The following ZSCAN31 variants were observed in gnomAD, a reference collection of about 807,000 sequenced individuals.
The protein encoded by ZSCAN31 is zinc finger and SCAN domain-containing protein 31.
ZSCAN31 carries 14 observed loss-of-function variants against 22.5 expected under a neutral mutation model. The ratio of observed to expected loss-of-function variants is 0.62; its 90% CI spans 0.41 to 0.97. The LOEUF (loss-of-function observed/expected upper bound fraction) is 0.97, where lower values mean the gene tolerates loss of function less well. ZSCAN31 is among the 50% of genes least tolerant of loss of function. The pLI, the probability that ZSCAN31 is intolerant of heterozygous loss-of-function variation, is 0.00. For synonymous variants in ZSCAN31, 168 were observed against 169.8 expected, an observed-to-expected ratio of 0.99 and a Z score of 0.08; for missense variants, 424 against 483.4, an observed-to-expected ratio of 0.88 and a Z score of 1.15.
At chr6:28,330,766 A>G in intron 1 of ZSCAN31, among the ~76,000 whole-genome samples, 1 of 152,232 alleles carries the variant, frequency 6.6e-6, no homozygotes, top group East Asian at 1.9e-4. Context: ...CAGATGATGA[A>G]TGCTATAATA....
chr6:28,335,575 T>C (rs1005282011), intron 1 of ZSCAN31: 5 of 152,150 alleles, frequency 3.3e-5, no homozygotes, highest in South Asian at 2.1e-4. Context: ...GGCCAAACTT[T>C]CACTTCGGCT....
upstream of ZSCAN31, chr6:28,356,062 C>T (rs955134325): frequency 1.3e-5 from 2 of 152,292 alleles, no homozygotes; most frequent in African/African-American, 4.8e-5. Context: ...TCATAACCGT[C>T]AATAAATGCA....
chr6:28,332,984 A>G (rs1395025920), intron 1 of ZSCAN31, among the ~76,000 whole-genome samples: 1 of 152,274 alleles, frequency 6.6e-6, no homozygotes, highest in Non-Finnish European at 1.5e-5. Context: ...ATGGCCAGCT[A>G]CAAATACAAG....
rs574914731 is a variant in ZSCAN31 at position 28,333,182 on chromosome 6, A to ACCTG, written c.-96+2899_-96+2900insCAGG. Among the ~76,000 whole-genome samples, 1,215 of 152,288 alleles carry ACCTG rather than the reference A, an allele frequency of 8.0e-3. 20 individuals carry two copies. The highest frequency in any genetic ancestry group is 0.026 in the African/African-American group (1,095 of 41,542). On this transcript the variant is annotated intron_variant, in intron 1 of 3. Transcript: ENST00000344279. This position sits in a 1 kb window ranked among gnomAD's most constrained non-coding sequence, Gnocchi z 4.1. ...CCTGCAGTGGACTTCCACACTCATG[A>ACCTG]AAGGGAGACAGAAAAATAAAAGGTA...
At chr6:28,342,781 A>G (rs553168801) in intron 2 of ZSCAN31, among the ~76,000 whole-genome samples, 2 of 152,330 alleles carry the variant, frequency 1.3e-5, no homozygotes, top group Non-Finnish European at 2.9e-5. Flanking sequence ...TCATAATAAA[A>G]CATCTCAAGT....
intron 2 of ZSCAN31, among the ~76,000 whole-genome samples, chr6:28,348,990 GT>G (rs1764775277): frequency 7.3e-6 from 1 of 136,594 alleles, no homozygotes; most frequent in African/African-American, 2.7e-5. Context: ...ATACATAGGT[GT>G]ATATACATGT....
intron 2 of ZSCAN31, chr6:28,341,933 G>A (rs1764431244): frequency 1.3e-5 from 2 of 152,134 alleles, no homozygotes; most frequent in Non-Finnish European, 1.5e-5. Context: ...GGCCCTAGAA[G>A]GAATGTTCTT....
chr6:28,351,460 A>G lies in ZSCAN31; in HGVS notation c.-371+2402T>C, dbSNP rs952543300. Among the ~76,000 whole-genome samples the G allele has an allele frequency of 1.3e-5, 2 of 152,172 alleles. No individual in the cohort carries two copies. Among genetic ancestry groups the G allele is most frequent in the African/African-American group, 4.8e-5 (2 of 41,434 alleles). On this transcript the variant is annotated intron_variant, in intron 2 of 7. Coordinates refer to the ZSCAN31 transcript ENST00000396838. This position sits in a 1 kb window ranked among gnomAD's most constrained non-coding sequence, Gnocchi z 4.6. ...TTATTCAGGAAGGAAAGAAGTTAGG[A>G]CATTGTTTAATTTTCTAAAATTTTG...
At chr6:28,346,714 A>T (rs564666713) in intron 2 of ZSCAN31, among the ~76,000 whole-genome samples, 2 of 152,212 alleles carry the variant, frequency 1.3e-5, no homozygotes, top group South Asian at 4.2e-4. Context: ...ATTGAGAGGA[A>T]CATAGTTACC....
At chr6:28,346,487 A>T (rs1764648991) in intron 2 of ZSCAN31, among the ~76,000 whole-genome samples, 1 of 151,654 alleles carries the variant, frequency 6.6e-6, no homozygotes. Flanking sequence ...CCTCCTGAGT[A>T]GCTGGGATTA....
chr6:28,344,520 A>G (rs966437795), intron 2 of ZSCAN31, among the ~76,000 whole-genome samples: 1 of 152,196 alleles, frequency 6.6e-6, no homozygotes, highest in South Asian at 2.1e-4. Context: ...CCCTGTGACT[A>G]TCTGAGTGTG....
At chr6:28,330,147 C>T (rs1324116608) in intron 1 of ZSCAN31, among the ~76,000 whole-genome samples, 1 of 152,168 alleles carries the variant, frequency 6.6e-6, no homozygotes, top group Non-Finnish European at 1.5e-5. Flanking sequence ...AGAAGGATAT[C>T]TTTCAGATGA....
At position 28,329,587 on chromosome 6, in the gene ZSCAN31, A is replaced by C. The variant is rs1763586341; in HGVS notation, c.97T>G (p.Ser33Ala). The C allele has an allele frequency of 6.2e-7, 1 of 1,614,226 alleles. No individual in the cohort carries two copies. The highest frequency in any genetic ancestry group is 8.5e-7 in the Non-Finnish European group (1 of 1,180,032). Residue 33 changes from serine to alanine, a missense_variant, in exon 2 of 4, where the codon TCT becomes GCT. Physicochemically the swap from Ser to Ala is moderately conservative, Grantham distance 99. Transcript: ENST00000344279. ...QETHLRGNNF[S>A]GQEASRQLFR... is the part of the protein sequence containing the mutation. ...AGTTGTCGGGAGGCTTCTTGGCCAGAAAAGTTGTTCCCTCGAAGGTGGGTT... is the reference window on the plus strand; with the variant it reads ...AGTTGTCGGGAGGCTTCTTGGCCAGCAAAGTTGTTCCCTCGAAGGTGGGTT...
chr6:28,327,458 T>G lies in ZSCAN31; in HGVS notation c.457A>C (p.Thr153Pro). The G allele has an allele frequency of 6.2e-7, 1 of 1,613,984 alleles. No individual in the cohort carries two copies. Among genetic ancestry groups the G allele is most frequent in the Non-Finnish European group, 8.5e-7 (1 of 1,179,986 alleles). The change falls in exon 3 of 4, where the codon ACA becomes CCA. Residue 153 changes from threonine (T) to proline (P), a missense_variant. By Grantham distance (38) the Thr-to-Pro change is conservative. Transcript: ENST00000344279. Reference sequence around the variant, plus strand: ...ACCATAGGCTGAAGCTGTATGTCTGTTGGTTCCTGCTTGACCTTCAGATGT... The same window carrying G: ...ACCATAGGCTGAAGCTGTATGTCTGGTGGTTCCTGCTTGACCTTCAGATGT... ...VEHLKVKQEP[T>P]DIQLQPMVTQ...
At position 28,325,046 on chromosome 6, in the gene ZSCAN31, G is replaced by A. The variant is rs1270196313; in HGVS notation, c.*1120C>T. The A allele has an allele frequency of 6.6e-6, 1 of 152,138 alleles. No individual in the cohort carries two copies. The highest frequency in any genetic ancestry group is 2.4e-5 in the African/African-American group (1 of 41,418). The allele number at this position is 152,138 out of a possible 1,614,324, so 9.4% of individuals were successfully genotyped here. ...CAGGTGGGGAGACTATAGCATAGCA[G>A]CATTTAGATAACTTGCCTAAAGTCC... On this transcript the variant is annotated 3_prime_UTR_variant, in exon 4 of 4. Transcript: ENST00000344279.
chr6:28,344,130 C>T lies in ZSCAN31; in HGVS notation c.-370-2338G>A, dbSNP rs1363463204. ...TGAGCAAAATGTGATATGTTGGAGG[C>T]CTTGATAAGATACATTTTCTACAGA... On this transcript the variant is annotated intron_variant, in intron 2 of 7. Coordinates refer to the ZSCAN31 transcript ENST00000396838. 2.0e-5 allele frequency among the ~76,000 whole-genome samples: 3 copies of T among 152,004 alleles called. No homozygotes were observed. In the East Asian group the frequency reaches 5.8e-4, roughly 29 times the overall value.
At position 28,329,366 on chromosome 6, in the gene ZSCAN31, A is replaced by G; in HGVS notation, c.318T>C (p.Ser106=). The change falls in exon 2 of 4, where the codon AGT becomes AGC. Residue 106 remains serine (S), a synonymous_variant. Coordinates refer to ENST00000344279, the MANE Select transcript of ZSCAN31 (RefSeq NM_030899.5). ...CAACTACAGCCACAGCCTCCTCCCC[A>G]CTCTCCGGATGGTGCTCCCGCACCC... ...QAWVREHHPE[S]GEEAVAVVED... The G allele has an allele frequency of 1.9e-6, 3 of 1,612,968 alleles. No homozygotes were observed. The highest frequency in any genetic ancestry group is 2.5e-6 in the Non-Finnish European group (3 of 1,179,610).
Position 28,347,848 on chromosome 6 carries a change from A to G in ZSCAN31, c.-371+6014T>C, listed in dbSNP as rs1305131247. 6.6e-6 allele frequency among the ~76,000 whole-genome samples: 1 copy of G among 152,204 alleles called. No individual in the cohort carries two copies. The highest frequency in any genetic ancestry group is 2.4e-5 in the African/African-American group (1 of 41,460). ...AATTGCTTTTTTAGATGAGTGTACC[A>G]ATTTATAGTCCCAGCAACTGTGTAT... On this transcript the variant is annotated intron_variant, in intron 2 of 7. Coordinates refer to the ZSCAN31 transcript ENST00000396838. This position sits in a 1 kb window ranked among gnomAD's most constrained non-coding sequence, Gnocchi z 5.2.
intron 1 of ZSCAN31, chr6:28,354,088 T>C (rs568782618): frequency 2.5e-6 from 1 of 397,364 alleles, no homozygotes; most frequent in South Asian, 1.8e-5. Flanking sequence ...GCTCCCACAC[T>C]TACAGCTGTA....
Sources: gnomAD v4.1 joint callset for allele counts (sites outside exome capture counted in the v4.1 genomes callset) on GRCh38, gnomAD v4.1.1 for gene constraint, Gnocchi (gnomAD v3.1) non-coding constraint, MANE v1.5 for transcripts, NCBI Gene and HGNC (gene_info 2026-07-23, HGNC 2026-07-21) for gene names.